The following LDLRAD3 variants were observed in gnomAD, a reference collection of about 807,000 sequenced individuals.
The protein encoded by LDLRAD3 is low-density lipoprotein receptor class A domain-containing protein 3.
In LDLRAD3, 20 loss-of-function variants were observed where a neutral mutation model predicts 29.4. The observed-to-expected ratio is 0.68, with a 90% CI of 0.48 to 0.99. The LOEUF is 0.99. Among genes scored for constraint, LDLRAD3 ranks in the 50% least tolerant of loss-of-function variants. The pLI is 0.00. For synonymous variants in LDLRAD3, 157 were observed against 192.7 expected, an observed-to-expected ratio of 0.81 and a Z score of 1.53; for missense variants, 420 against 454.3, an observed-to-expected ratio of 0.92 and a Z score of 0.69.
chr11:36,083,406 G>T (rs1464012676), intron 3 of LDLRAD3, among the ~76,000 whole-genome samples: 1 of 151,936 alleles, frequency 6.6e-6, no homozygotes. Flanking sequence ...CAAGTATAAA[G>T]AAGAAAGCAA....
intron 1 of LDLRAD3, among the ~76,000 whole-genome samples, chr11:35,980,822 A>G (rs1370392359): frequency 1.3e-5 from 2 of 152,160 alleles, no homozygotes; most frequent in African/African-American, 4.8e-5. Context: ...ATGTGTTTTG[A>G]TTTCAGCCAA....
chr11:36,144,646 CGCCCGGCAGCCACACCG>C, intron 4 of LDLRAD3, among the ~76,000 whole-genome samples: 1 of 67,308 alleles, frequency 1.5e-5, no homozygotes, highest in Non-Finnish European at 2.9e-5. Flanking sequence ...GAAGCCCCTC[CGCCCGGCAGCCACACCG>C]TCTGAGAAGT....
At chr11:36,068,447 C>G (rs1399825150) in intron 2 of LDLRAD3, among the ~76,000 whole-genome samples, 1 of 152,256 alleles carries the variant, frequency 6.6e-6, no homozygotes, top group East Asian at 1.9e-4. Context: ...GACGCTGAGG[C>G]TGAGGGAAGT....
intron 4 of LDLRAD3, among the ~76,000 whole-genome samples, chr11:36,130,924 A>C (rs1853916775): frequency 6.6e-6 from 1 of 152,158 alleles, no homozygotes; most frequent in African/African-American, 2.4e-5. Context: ...TCCCATTCTC[A>C]GGATCCTAAT....
intron 1 of LDLRAD3, among the ~76,000 whole-genome samples, chr11:35,945,940 G>GGAA (rs1256110618): frequency 6.6e-6 from 1 of 152,206 alleles, no homozygotes; most frequent in Non-Finnish European, 1.5e-5. Context: ...GATAGGGGGA[G>GGAA]GAATAGTCCA....
chr11:36,177,770 A>G (rs1184400417), intron 4 of LDLRAD3, among the ~76,000 whole-genome samples: 2 of 152,158 alleles, frequency 1.3e-5, no homozygotes, highest in African/African-American at 2.4e-5. Flanking sequence ...GTAATTTTGT[A>G]TAGTCCGCTG....
rs987238523 is a variant in LDLRAD3, at chr11:35,946,822, A to G, written c.46+2678A>G. Among the ~76,000 whole-genome samples, 16 of 152,212 alleles carry G rather than the reference A, an allele frequency of 1.1e-4. No homozygotes were observed. The South Asian group carries it at 1.7e-3, about 16-fold the overall frequency. On this transcript the variant is annotated intron_variant, in intron 1 of 5. Transcript: ENST00000315571. ...CTTAACGGTGTGAGGGGTGGGTTTT[A>G]TTGTTTTTAACTTGCTGAGTAGCTG...
At chr11:36,160,317 C>G (rs1301693016) in intron 4 of LDLRAD3, among the ~76,000 whole-genome samples, 1 of 152,170 alleles carries the variant, frequency 6.6e-6, no homozygotes, top group Admixed American at 6.5e-5. Context: ...GGGGGAAAAT[C>G]ACGCTCACAG....
chr11:36,064,993 G>A (rs1306431970), intron 2 of LDLRAD3, among the ~76,000 whole-genome samples: 1 of 152,198 alleles, frequency 6.6e-6, no homozygotes, highest in East Asian at 1.9e-4. Context: ...TGTGTTCTGT[G>A]GTTGTTGGGT....
chr11:36,154,292 T>G (rs1346866187), intron 4 of LDLRAD3, among the ~76,000 whole-genome samples: 1 of 152,204 alleles, frequency 6.6e-6, no homozygotes, highest in Non-Finnish European at 1.5e-5. Flanking sequence ...CCACCACTGA[T>G]GTACCCAGCC....
At chr11:36,182,939 T>G (rs1055821348) in intron 4 of LDLRAD3, among the ~76,000 whole-genome samples, 1 of 152,210 alleles carries the variant, frequency 6.6e-6, no homozygotes, top group Non-Finnish European at 1.5e-5. Context: ...GGAGCTAGGC[T>G]AAGACAGTTG....
At chr11:36,223,751 A>G (rs1419650826) in intron 4 of LDLRAD3, among the ~76,000 whole-genome samples, 1 of 67,604 alleles carries the variant, frequency 1.5e-5, no homozygotes. Context: ...AAAGGAATAA[A>G]AAATAAAAAA....
intron 4 of LDLRAD3, among the ~76,000 whole-genome samples, chr11:36,154,854 G>A (rs1401846893): frequency 6.6e-6 from 1 of 152,178 alleles, no homozygotes; most frequent in African/African-American, 2.4e-5. Flanking sequence ...ACCCCAGGCA[G>A]TCTCCCCTGG....
At chr11:36,218,532 G>A (rs568112110) in intron 4 of LDLRAD3, among the ~76,000 whole-genome samples, 2 of 152,338 alleles carry the variant, frequency 1.3e-5, no homozygotes, top group South Asian at 4.1e-4. Context: ...CCTGGGCCTG[G>A]ATGTGGCCAT....
rs1010704364 is a variant in LDLRAD3 at position 35,995,909 on chromosome 11, G to T, written c.47-40194G>T. 1.1e-4 allele frequency among the ~76,000 whole-genome samples: 16 copies of T among 152,302 alleles called. 1 individual carries two copies. Among genetic ancestry groups the T allele is most frequent in the South Asian group, 8.3e-4 (4 of 4,828 alleles). On this transcript the variant is annotated intron_variant, in intron 1 of 5. Transcript: ENST00000315571. ...TCTAGAATTGAAGAGTTAGAGCCTT[G>T]CCCTGGATTAGGCTGTGGCTTAAGG...
intron 2 of LDLRAD3, among the ~76,000 whole-genome samples, chr11:36,056,993 G>T (rs920581182): frequency 1.3e-5 from 2 of 151,962 alleles, no homozygotes; most frequent in Non-Finnish European, 2.9e-5. Context: ...CAACCCCCCA[G>T]GTGACTGTTG....
At chr11:35,963,539 T>G (rs1000125849) in intron 1 of LDLRAD3, among the ~76,000 whole-genome samples, 6 of 152,256 alleles carry the variant, frequency 3.9e-5, no homozygotes, top group African/African-American at 1.2e-4. Flanking sequence ...TGCCACCCGA[T>G]TAAAGCCTTC....
Position 36,110,830 on chromosome 11 carries a change from G to A in LDLRAD3, c.454+12369G>A, listed in dbSNP as rs76912358. Among the ~76,000 whole-genome samples the A allele has an allele frequency of 2.5e-3, 388 of 152,282 alleles. 17 individuals carry two copies. The East Asian group carries it at 0.069, about 27-fold the overall frequency. On this transcript the variant is annotated intron_variant, in intron 4 of 5. Transcript: ENST00000315571. ...GAGGAATGAGCAGCATGCCGTGGGA[G>A]CTTGAGGCTGGCAAGGAGTGACAGT...
intron 1 of LDLRAD3, among the ~76,000 whole-genome samples, chr11:35,966,753 G>A (rs1851346700): frequency 6.6e-6 from 1 of 152,138 alleles, no homozygotes; most frequent in Admixed American, 6.5e-5. Flanking sequence ...CATTTATTTA[G>A]TAAATACAAT....
Sources: gnomAD v4.1 joint callset for allele counts (sites outside exome capture counted in the v4.1 genomes callset) on GRCh38, gnomAD v4.1.1 for gene constraint, MANE v1.5 for transcripts, NCBI Gene and HGNC (gene_info 2026-07-23, HGNC 2026-07-21) for gene names.